IQSEC1: variants seen among roughly 807,000 people sequenced by gnomAD.
IQSEC1 encodes IQ motif and Sec7 domain ArfGEF 1, also known as IQ motif and SEC7 domain-containing protein 1.
A neutral mutation model predicts 91.0 loss-of-function variants in IQSEC1; 31 were observed. The ratio of observed to expected loss-of-function variants is 0.34; its 90% CI spans 0.26 to 0.46. IQSEC1 has a LOEUF of 0.46. Among genes scored for constraint, IQSEC1 ranks in the 20% least tolerant of loss-of-function variants. The pLI, the probability that IQSEC1 is intolerant of heterozygous loss-of-function variation, is 1.00. For synonymous variants in IQSEC1, 699 were observed against 662.6 expected (o/e 1.05, Z -0.84); for missense variants, 1,388 against 1,575.6 (o/e 0.88, Z 2.02).
chr3:13,217,385 T>C (rs12635079), intron 1 of IQSEC1, among the ~76,000 whole-genome samples: 30,502 of 152,184 alleles, frequency 0.2, 4,365 homozygotes, highest in African/African-American at 0.39. Context: ...CCACTTGGCA[T>C]TGTGTTTTTG....
intron 1 of IQSEC1, among the ~76,000 whole-genome samples, chr3:13,015,955 G>T (rs959247532): frequency 6.6e-6 from 1 of 152,262 alleles, no homozygotes; most frequent in African/African-American, 2.4e-5. Flanking sequence ...AGAGTGCCGG[G>T]CCCCTTCTGG....
chr3:12,908,246 C>T lies in IQSEC1; in HGVS notation c.2755+103G>A, dbSNP rs916387285. 32 of 1,247,138 alleles carry T rather than the reference C, an allele frequency of 2.6e-5. No homozygotes were observed. The highest frequency in any genetic ancestry group is 2.0e-4 in the Admixed American group (9 of 44,506). 77.3% of individuals were successfully genotyped at this position (1,247,138 alleles called of 1,614,324 possible). A position where few individuals can be genotyped will look rare whatever the true frequency, so the allele number is the denominator to read the frequency against. ...GTCAGGGGAAATGCCGCACTGGCTT[C>T]GCCGCAGGCCCTGCCCCGCGTGATG... On this transcript the variant is annotated intron_variant, in intron 12 of 13. Coordinates refer to ENST00000613206, the MANE Select transcript of IQSEC1 (RefSeq NM_001134382.3). The surrounding 1 kb of genome is among the most constrained non-coding windows in gnomAD (Gnocchi z 4.9).
chr3:13,067,664 G>A (rs533574564), intron 1 of IQSEC1, among the ~76,000 whole-genome samples: 2 of 152,314 alleles, frequency 1.3e-5, no homozygotes, highest in South Asian at 4.1e-4. Context: ...TGCACTGGGT[G>A]CCCACTGGCC....
intron 1 of IQSEC1, among the ~76,000 whole-genome samples, chr3:13,174,911 C>T (rs1432893980): frequency 1.3e-5 from 2 of 151,746 alleles, no homozygotes; most frequent in East Asian, 1.9e-4. Context: ...TTCTCACACA[C>T]AAGGCCACTC....
chr3:12,958,067 G>A (rs1233081932), intron 1 of IQSEC1, among the ~76,000 whole-genome samples: 2 of 152,182 alleles, frequency 1.3e-5, no homozygotes, highest in Non-Finnish European at 2.9e-5. Context: ...CTGAGGCCCC[G>A]GGACACCTCC....
At chr3:13,184,804 G>A (rs1693903314) in intron 1 of IQSEC1, among the ~76,000 whole-genome samples, 1 of 152,192 alleles carries the variant, frequency 6.6e-6, no homozygotes, top group Admixed American at 6.5e-5. Context: ...TGCCAGCCAT[G>A]GCCAGTTGGG....
At chr3:13,204,502 A>C (rs982169338) in intron 1 of IQSEC1, among the ~76,000 whole-genome samples, 13 of 152,228 alleles carry the variant, frequency 8.5e-5, no homozygotes, top group Non-Finnish European at 1.9e-4. Context: ...TAGAAGATGG[A>C]GGCCGGGGCC....
chr3:12,909,528 T>C lies in IQSEC1; in HGVS notation c.2417-94A>G. 3 of 1,290,872 alleles carry C rather than the reference T, an allele frequency of 2.3e-6. No homozygotes were observed. The highest frequency in any genetic ancestry group is 4.7e-5 in the East Asian group (2 of 42,898). The allele number at this position is 1,290,872 out of a possible 1,614,324, so 80.0% of individuals were successfully genotyped here. On this transcript the variant is annotated intron_variant, in intron 10 of 13. Transcript: ENST00000613206. This position sits in a 1 kb window ranked among gnomAD's most constrained non-coding sequence, Gnocchi z 4.9. Reference sequence around the variant, plus strand: ...TCAGGAAACAATGGTAGGGCTGAGTTGTGCGTGAGCCTGGGATAAGTGCCG... The same window carrying C: ...TCAGGAAACAATGGTAGGGCTGAGTCGTGCGTGAGCCTGGGATAAGTGCCG...
intron 1 of IQSEC1, among the ~76,000 whole-genome samples, chr3:13,247,778 C>T (rs1048015737): frequency 6.6e-6 from 1 of 152,044 alleles, no homozygotes; most frequent in Non-Finnish European, 1.5e-5. Flanking sequence ...GCTGTTGACA[C>T]CCCCCAGCCA....
In IQSEC1 at chr3:12,924,725, A is replaced by G; in HGVS notation, c.1586T>C (p.Val529Ala). 1 of 1,587,682 alleles carries G rather than the reference A, an allele frequency of 6.3e-7. No homozygotes were observed. The highest frequency in any genetic ancestry group is 8.6e-7 in the Non-Finnish European group (1 of 1,164,100). ...AAAGCCACGCTCGATGAGGTACTGG[A>G]CTCCCTTCTCAGGCTTCCTGGGGTA... Reference protein sequence around the residue: ...NLFNKKPEKGVQYLIERGFVP... With the variant: ...NLFNKKPEKGAQYLIERGFVP... The change falls in exon 4 of 14, where the codon GTC becomes GCC. Residue 529 changes from valine (V) to alanine (A), a missense_variant. Physicochemically the swap from Val to Ala is moderately conservative, Grantham distance 64 (BLOSUM62 0). Around this residue, in one of 2 missense-constraint regions of IQSEC1, gnomAD observed 1,059 missense variants for 1,317.8 expected, o/e 0.80. Coordinates refer to ENST00000613206, the MANE Select transcript of IQSEC1 (RefSeq NM_001134382.3). The surrounding 1 kb of genome is among the most constrained non-coding windows in gnomAD (Gnocchi z 6.3).
chr3:13,224,036 G>C (rs1234584966), intron 1 of IQSEC1, among the ~76,000 whole-genome samples: 1 of 152,184 alleles, frequency 6.6e-6, no homozygotes, highest in Non-Finnish European at 1.5e-5. Context: ...CCTTGAGCAA[G>C]TTGCTCAATC....
At chr3:13,001,115 CT>C (rs567527065) in intron 1 of IQSEC1, among the ~76,000 whole-genome samples, 8 of 151,130 alleles carry the variant, frequency 5.3e-5, no homozygotes, top group Non-Finnish European at 1.2e-4. Context: ...CAATGCCCAG[CT>C]TTTTTTTTAA....
chr3:13,227,375 C>CAAAAAAAAAAAAA, intron 1 of IQSEC1, among the ~76,000 whole-genome samples: 2 of 70,010 alleles, frequency 2.9e-5, no homozygotes, highest in South Asian at 6.7e-4. Flanking sequence ...GACTCTGTCT[C>CAAAAAAAAAAAAA]AAAAAAAAAA....
rs1698771527 is a variant in IQSEC1 at position 12,941,755 on chromosome 3, T to C, written c.134A>G (p.Glu45Gly). The change falls in exon 2 of 14, where the codon GAG (glutamate) becomes GGG (glycine). Residue 45 changes from glutamate (E) to glycine (G), a missense_variant. Glu to Gly is a moderately conservative substitution (Grantham distance 98). Coordinates refer to ENST00000613206, the MANE Select transcript of IQSEC1 (RefSeq NM_001134382.3). ...CCCATAGGCTCCCACTGACGTGTGC[T>C]CGTAGTGATCCGGGCTCAGGCTGGA... ...PGSSLSPDHYEHTSVGAYGLY... is the reference protein window; with the variant it reads ...PGSSLSPDHYGHTSVGAYGLY... 6.2e-7 allele frequency: 1 copy of C among 1,612,262 alleles called. No individual in the cohort carries two copies.
chr3:13,236,670 G>A (rs1488398106), intron 1 of IQSEC1, among the ~76,000 whole-genome samples: 1 of 152,302 alleles, frequency 6.6e-6, no homozygotes, highest in Middle Eastern at 3.4e-3. Context: ...GCAGCCAGCT[G>A]GGTCCACAGA....
rs556862736 is a variant in IQSEC1, at chr3:13,067,242, A to G, written c.23+5750T>C. Among the ~76,000 whole-genome samples the G allele has an allele frequency of 4.6e-5, 7 of 152,336 alleles. No individual in the cohort carries two copies. The South Asian group carries it at 1.5e-3, about 32-fold the overall frequency. On this transcript the variant is annotated intron_variant, in intron 1 of 13. Coordinates refer to ENST00000613206, the MANE Select transcript of IQSEC1 (RefSeq NM_001134382.3). ...GATTTGAGAGAACAGGAGCCATCCA[A>G]CAGGCTGGAAAGAGCGGGAAGGGCA...
intron 1 of IQSEC1, among the ~76,000 whole-genome samples, chr3:12,987,913 G>A (rs376395604): frequency 6.6e-6 from 1 of 152,160 alleles, no homozygotes; most frequent in African/African-American, 2.4e-5. Context: ...GAGTGAAAAC[G>A]ACAAAGACCG....
intron 1 of IQSEC1, among the ~76,000 whole-genome samples, chr3:13,200,952 G>GT (rs1174204637): frequency 1.3e-5 from 2 of 152,216 alleles, no homozygotes; most frequent in Non-Finnish European, 2.9e-5. Flanking sequence ...GGAAACAGAA[G>GT]TATCAGCAAG....
chr3:12,949,057 T>C (rs1031234441), intron 1 of IQSEC1, among the ~76,000 whole-genome samples: 1 of 152,252 alleles, frequency 6.6e-6, no homozygotes, highest in Non-Finnish European at 1.5e-5. Flanking sequence ...CCACCGTCGC[T>C]GGGAGGTAGC....
Sources: allele counts gnomAD v4.1 joint callset (sites outside exome capture counted in the v4.1 genomes callset), GRCh38; gene constraint gnomAD v4.1.1; regional missense constraint gnomAD v4.1.1; non-coding constraint Gnocchi (gnomAD v3.1); transcripts MANE v1.5; gene names NCBI Gene and HGNC (gene_info 2026-07-23, HGNC 2026-07-21).